The following SCN1A variants were observed in gnomAD, a reference collection of about 807,000 sequenced individuals.
The protein encoded by SCN1A is sodium voltage-gated channel alpha subunit 1, also known as sodium channel protein type 1 subunit alpha.
Under a neutral mutation model 193.7 loss-of-function variants are expected in SCN1A, and 13 were observed. The ratio of observed to expected loss-of-function variants is 0.07; its 90% confidence interval spans 0.04 to 0.11. The LOEUF is 0.11. Ranked by LOEUF, SCN1A falls within the 10% of genes least tolerant of loss-of-function variation. The pLI is 1.00. For synonymous variants in SCN1A, 781 were observed against 843.6 expected (o/e 0.93, Z 1.29); for missense variants, 1,432 against 2,451.1 (o/e 0.58, Z 8.78).
At position 165,994,294 on chromosome 2, in the gene SCN1A, A is replaced by G; in HGVS notation, c.4704T>C (p.Tyr1568=). The G allele has an allele frequency of 1.2e-6, 2 of 1,613,238 alleles. No homozygotes were observed. The highest frequency in any genetic ancestry group is 2.2e-5 in the East Asian group (1 of 44,788). ...TGATGCGTGACAAAATGGTAGTCAC[A>G]TATTCACTCTGGTCATCTGTTTCCA... ...MMVETDDQSE[Y]VTTILSRINL... Residue 1568 remains tyrosine (Y), a synonymous_variant, in exon 28 of 29, where the codon TAT becomes TAC. Transcript: ENST00000674923.
At chr2:166,116,781 G>A (rs977565599) in intron 2 of SCN1A, among the ~76,000 whole-genome samples, 1 of 151,980 alleles carries the variant, frequency 6.6e-6, no homozygotes, top group Non-Finnish European at 1.5e-5. Context: ...TTAGAAAGCA[G>A]AAAAATCACA....
At chr2:166,122,596 C>A (rs1288502120) in intron 2 of SCN1A, among the ~76,000 whole-genome samples, 3 of 152,166 alleles carry the variant, frequency 2.0e-5, no homozygotes, top group Non-Finnish European at 2.9e-5. Context: ...AACGCATGGA[C>A]AACAATGTTA....
chr2:166,049,023 G>T, intron 9 of SCN1A, 74 bp from the exon 10 acceptor site: 1 of 921,436 alleles, frequency 1.1e-6, no homozygotes, highest in Non-Finnish European at 1.8e-6. Flanking sequence ...AGGAAGGTCA[G>T]GTTCTACTTT....
At chr2:166,117,154 CTGTT>C (rs1345884743) in intron 2 of SCN1A, among the ~76,000 whole-genome samples, 4 of 152,222 alleles carry the variant, frequency 2.6e-5, no homozygotes, top group East Asian at 3.9e-4. Context: ...TTTTCAATAT[CTGTT>C]TGAATAATCA....
Position 165,994,995 on chromosome 2 carries a change from G to A in SCN1A, c.4582-579C>T, listed in dbSNP as rs1248625475. Among the ~76,000 whole-genome samples the A allele has an allele frequency of 4.6e-5, 7 of 151,736 alleles. No individual in the cohort carries two copies. In the Admixed American group the frequency reaches 4.6e-4, roughly 10 times the overall value. On this transcript the variant is annotated intron_variant, in intron 27 of 28. Transcript: ENST00000674923. The stretch of plus-strand genomic sequence containing the variant: ...TTGTCAGACACAGAATCCTGAAACT[G>A]CACAAGGATAATGAGACCAGAATGA...
chr2:166,140,695 G>C (rs568211203), intron 1 of SCN1A, among the ~76,000 whole-genome samples: 1 of 152,154 alleles, frequency 6.6e-6, no homozygotes, highest in Admixed American at 6.5e-5. Flanking sequence ...ACTGCTGATC[G>C]TGAACACTTA....
rs763877632 is a variant in SCN1A, at chr2:165,992,409, G to A, written c.4866C>T (p.Ala1622=). 4 of 1,613,238 alleles carry A rather than the reference G, an allele frequency of 2.5e-6. No individual in the cohort carries two copies. The highest frequency in any genetic ancestry group is 1.7e-5 in the Admixed American group (1 of 59,896). Residue 1622 remains alanine, a synonymous_variant, in exon 29 of 29, where the codon GCC becomes GCT. Coordinates refer to ENST00000674923, the MANE Select transcript of SCN1A (RefSeq NM_001165963.4). This position sits in a 1 kb window ranked among gnomAD's most constrained non-coding sequence, Gnocchi z 6.5. The part of the protein sequence containing the change: ...VILSIVGMFL[A]ELIEKYFVSP... ...ACACGAAATACTTTTCTATCAGCTC[G>A]GCAAGAAACATACCTATGAATAAAC...
At chr2:166,028,174 C>G (rs1199960137) in intron 19 of SCN1A, among the ~76,000 whole-genome samples, 5 of 151,688 alleles carry the variant, frequency 3.3e-5, no homozygotes, top group African/African-American at 2.4e-5. Context: ...ACTTCTGTAT[C>G]AATAATTAAA....
chr2:166,085,247 G>A (rs1184463878), intron 2 of SCN1A, among the ~76,000 whole-genome samples: 1 of 152,138 alleles, frequency 6.6e-6, no homozygotes. Context: ...GGAATGTTTA[G>A]TCATTAGTGT....
At chr2:166,056,111 G>A (rs1699102629) in intron 6 of SCN1A, among the ~76,000 whole-genome samples, 1 of 151,904 alleles carries the variant, frequency 6.6e-6, no homozygotes, top group Non-Finnish European at 1.5e-5. Context: ...CTACCATATT[G>A]GCTCTTTTCT....
intron 4 of SCN1A, chr2:166,060,503 A>G (rs1683185641): frequency 6.6e-6 from 1 of 152,206 alleles, no homozygotes; most frequent in Admixed American, 6.5e-5. Flanking sequence ...CCACCTTTCA[A>G]ATGTACTGCA....
At chr2:166,015,463 T>G (rs1443150635) in intron 20 of SCN1A, 144 bp downstream of exon 20, 11 of 974,150 alleles carry the variant, frequency 1.1e-5, no homozygotes, top group Non-Finnish European at 6.3e-6. Context: ...ACTTTAAGTT[T>G]TTTTGTCTGT....
intron 2 of SCN1A, among the ~76,000 whole-genome samples, chr2:166,114,705 T>C (rs958020702): frequency 1.3e-5 from 2 of 152,168 alleles, no homozygotes; most frequent in African/African-American, 4.8e-5. Flanking sequence ...TCCATGATTA[T>C]CAGAATAATT....
chr2:166,106,649 A>G (rs1466915097), intron 2 of SCN1A, among the ~76,000 whole-genome samples: 1 of 152,280 alleles, frequency 6.6e-6, no homozygotes, highest in South Asian at 2.1e-4. Context: ...CTAGGCCCTT[A>G]TATAGAGGCT....
intron 1 of SCN1A, among the ~76,000 whole-genome samples, chr2:166,143,769 G>A (rs1323926920): frequency 6.6e-6 from 1 of 152,090 alleles, no homozygotes; most frequent in Non-Finnish European, 1.5e-5. Flanking sequence ...AATTTGTTTG[G>A]CTTTATGTGG....
intron 22 of SCN1A, among the ~76,000 whole-genome samples, chr2:166,011,121 T>C (rs1263569462): frequency 6.6e-6 from 1 of 151,200 alleles, no homozygotes; most frequent in Non-Finnish European, 1.5e-5. Flanking sequence ...GAGATTTCTC[T>C]CAATTGGCTC....
At position 165,989,570 on chromosome 2, in the gene SCN1A, A is replaced by G. The variant is rs1280847096; in HGVS notation, c.*1675T>C. 4 of 152,362 alleles carry G rather than the reference A, an allele frequency of 2.6e-5. No homozygotes were observed. Among genetic ancestry groups the G allele is most frequent in the Non-Finnish European group, 4.4e-5 (3 of 68,020 alleles). The allele number at this position is 152,362 out of a possible 1,614,324, so 9.4% of individuals were successfully genotyped here. A position where few individuals can be genotyped will look rare whatever the true frequency, so the allele number is the denominator to read the frequency against. ...TTTCCAATTGCAAAGCATAATTTGG[A>G]TATGAATCGTGAACCTATTTTGCTC... On this transcript the variant is annotated 3_prime_UTR_variant, in exon 29 of 29. Transcript: ENST00000674923.
Position 166,083,290 on chromosome 2 carries a change from A to C in SCN1A, c.-141-5489T>G, listed in dbSNP as rs372735430. On this transcript the variant is annotated intron_variant, in intron 2 of 28. Coordinates refer to ENST00000674923, the MANE Select transcript of SCN1A (RefSeq NM_001165963.4). ...ACAACATATTTCAGCCATATGTTTA[A>C]AACTTTTACATTTAAAAATAACTTC... 4.5e-4 allele frequency among the ~76,000 whole-genome samples: 68 copies of C among 152,212 alleles called. 1 individual carries two copies. Among genetic ancestry groups the C allele is most frequent in the African/African-American group, 1.6e-3 (68 of 41,562 alleles).
chr2:166,092,105 C>T (rs999337581), intron 2 of SCN1A, among the ~76,000 whole-genome samples: 1 of 151,808 alleles, frequency 6.6e-6, no homozygotes, highest in Non-Finnish European at 1.5e-5. Context: ...TTTAATTAAG[C>T]GAAGGCGTCT....
Sources: gnomAD v4.1 joint callset for allele counts (sites outside exome capture counted in the v4.1 genomes callset) on GRCh38, gnomAD v4.1.1 for gene constraint, Gnocchi (gnomAD v3.1) non-coding constraint, MANE v1.5 for transcripts, NCBI Gene and HGNC (gene_info 2026-07-23, HGNC 2026-07-21) for gene names.